The following FAM13A variants were observed in gnomAD, a reference collection of about 807,000 sequenced individuals.
The protein encoded by FAM13A is protein FAM13A.
Under a neutral mutation model 129.6 loss-of-function variants are expected in FAM13A, and 76 were observed. The ratio of observed to expected loss-of-function variants is 0.59; its 90% CI spans 0.49 to 0.71. FAM13A has a LOEUF of 0.71. Ranked by LOEUF, FAM13A falls within the 30% of genes least tolerant of loss-of-function variation. The pLI is 0.00. For synonymous variants in FAM13A, 443 were observed against 449.9 expected (o/e 0.98, Z 0.20); for missense variants, 1,108 against 1,249.3 (o/e 0.89, Z 1.70).
chr4:88,966,178 A>C (rs553448393), intron 4 of FAM13A, among the ~76,000 whole-genome samples: 1 of 152,324 alleles, frequency 6.6e-6, no homozygotes, highest in Non-Finnish European at 1.5e-5. Flanking sequence ...TGGACTATTT[A>C]TTAAATTCTA....
chr4:88,901,787 C>T (rs1335220128), intron 6 of FAM13A, among the ~76,000 whole-genome samples: 1 of 151,676 alleles, frequency 6.6e-6, no homozygotes, highest in African/African-American at 2.4e-5. Context: ...CATGAAAAAC[C>T]CTTCAAAAAA....
intron 21 of FAM13A, among the ~76,000 whole-genome samples, chr4:88,734,247 C>T (rs1738498175): frequency 1.3e-5 from 2 of 152,182 alleles, no homozygotes; most frequent in Admixed American, 6.5e-5. Flanking sequence ...GAAAGGAAAG[C>T]TGGCTTCCCA....
chr4:88,942,633 A>C (rs915435257), intron 4 of FAM13A, among the ~76,000 whole-genome samples: 1 of 149,224 alleles, frequency 6.7e-6, no homozygotes, highest in Non-Finnish European at 1.5e-5. Flanking sequence ...CTTTTAAAGA[A>C]ATGTATTGTG....
chr4:88,968,545 A>G (rs1759644314), intron 4 of FAM13A, among the ~76,000 whole-genome samples: 1 of 152,102 alleles, frequency 6.6e-6, no homozygotes, highest in Non-Finnish European at 1.5e-5. Flanking sequence ...ATTGTTCATA[A>G]TCTTTTTTTC....
At chr4:88,952,925 G>T (rs1018231762) in intron 4 of FAM13A, among the ~76,000 whole-genome samples, 1 of 152,100 alleles carries the variant, frequency 6.6e-6, no homozygotes, top group Non-Finnish European at 1.5e-5. Flanking sequence ...TCCAGCATGG[G>T]CAACAGAGTG....
intron 5 of FAM13A, among the ~76,000 whole-genome samples, chr4:88,928,205 T>A (rs1752502912): frequency 6.6e-6 from 1 of 152,176 alleles, no homozygotes. Context: ...AAATACTTGA[T>A]ATCATTTTGA....
intron 20 of FAM13A, among the ~76,000 whole-genome samples, chr4:88,738,569 G>A (rs114775436): frequency 2.6e-5 from 4 of 152,092 alleles, no homozygotes; most frequent in African/African-American, 7.2e-5. Flanking sequence ...CTCCAAGAAG[G>A]GCCTCTCTCT....
At chr4:89,024,735 C>T (rs1045272428) in intron 2 of FAM13A, among the ~76,000 whole-genome samples, 6 of 152,280 alleles carry the variant, frequency 3.9e-5, no homozygotes, top group East Asian at 1.9e-4. Flanking sequence ...TTCAAACTTA[C>T]ACAATTTCTT....
chr4:88,868,648 G>C (rs17815876), intron 6 of FAM13A, among the ~76,000 whole-genome samples: 1 of 151,980 alleles, frequency 6.6e-6, no homozygotes. Context: ...ATTGCCTGCT[G>C]TTTTCCTAGA....
intron 6 of FAM13A, among the ~76,000 whole-genome samples, chr4:88,874,688 T>C (rs1742063371): frequency 6.6e-6 from 1 of 152,110 alleles, no homozygotes; most frequent in Non-Finnish European, 1.5e-5. Flanking sequence ...ATAGGAAGAA[T>C]CAATATTGTG....
intron 3 of FAM13A, among the ~76,000 whole-genome samples, chr4:88,994,370 A>G (rs1436371470): frequency 6.6e-6 from 1 of 152,220 alleles, no homozygotes; most frequent in Non-Finnish European, 1.5e-5. Flanking sequence ...AAATATTACC[A>G]TTACTGCCAG....
chr4:89,039,460 A>G (rs1042182331), intron 1 of FAM13A, among the ~76,000 whole-genome samples: 9 of 152,240 alleles, frequency 5.9e-5, no homozygotes, highest in African/African-American at 2.2e-4. Flanking sequence ...CTCATCAATT[A>G]CAACAAATGT....
chr4:88,853,072 A>C (rs1031279448), intron 6 of FAM13A, among the ~76,000 whole-genome samples: 3 of 152,174 alleles, frequency 2.0e-5, no homozygotes, highest in Non-Finnish European at 4.4e-5. Context: ...AATTTGCCCA[A>C]ATCTGGTGAC....
At position 88,984,657 on chromosome 4, in the gene FAM13A, T is replaced by C. The variant is rs553188592; in HGVS notation, c.605+6316A>G. 3.9e-5 allele frequency among the ~76,000 whole-genome samples: 6 copies of C among 152,334 alleles called. No homozygotes were observed. In the South Asian group the frequency reaches 1.2e-3, roughly 32 times the overall value. Reference sequence around the variant, plus strand: ...GGATGTAGAGAAACTGGTTCGCCCATACATTGCTGATGGGAATGTACATGG... The same window carrying C: ...GGATGTAGAGAAACTGGTTCGCCCACACATTGCTGATGGGAATGTACATGG... On this transcript the variant is annotated intron_variant, in intron 4 of 23. Transcript: ENST00000264344.
chr4:88,961,276 G>A (rs560754231), intron 4 of FAM13A, among the ~76,000 whole-genome samples: 1 of 141,768 alleles, frequency 7.1e-6, no homozygotes, highest in Non-Finnish European at 1.5e-5. Context: ...CTCATTCACT[G>A]AACAAATAAT....
intron 4 of FAM13A, among the ~76,000 whole-genome samples, chr4:88,983,904 T>A (rs887570714): frequency 1.3e-5 from 2 of 152,146 alleles, no homozygotes; most frequent in African/African-American, 4.8e-5. Context: ...TTAAAACTCA[T>A]TAAAAAGCTA....
At chr4:88,965,651 T>C (rs1210522503) in intron 4 of FAM13A, among the ~76,000 whole-genome samples, 9 of 152,318 alleles carry the variant, frequency 5.9e-5, no homozygotes, top group Non-Finnish European at 1.0e-4. Context: ...ATCCACATCG[T>C]TGTATGACAG....
At chr4:88,895,360 G>C (rs1002642051) in intron 6 of FAM13A, among the ~76,000 whole-genome samples, 2 of 151,964 alleles carry the variant, frequency 1.3e-5, no homozygotes, top group Non-Finnish European at 2.9e-5. Flanking sequence ...TTGGAAACTT[G>C]GTAAAATTCA....
chr4:88,729,007 A>T, intron 23 of FAM13A: 1 of 152,510 alleles, frequency 6.6e-6, no homozygotes, highest in Non-Finnish European at 1.4e-5. Context: ...ATTCTTATAT[A>T]TTTCATCTCG....
Sources: allele counts gnomAD v4.1 joint callset (sites outside exome capture counted in the v4.1 genomes callset), GRCh38; gene constraint gnomAD v4.1.1; transcripts MANE v1.5; gene names NCBI Gene and HGNC (gene_info 2026-07-23, HGNC 2026-07-21).